PSMD6: variants seen among roughly 807,000 people sequenced by gnomAD.
The protein encoded by PSMD6 is proteasome 26S subunit, non-ATPase 6.
Under a neutral mutation model 44.9 loss-of-function variants are expected in PSMD6, and 7 were observed. That is an observed-to-expected ratio of 0.16 (90% CI 0.09 to 0.29). The LOEUF (loss-of-function observed/expected upper bound fraction) is 0.29. Ranked by LOEUF, PSMD6 falls within the 10% of genes least tolerant of loss-of-function variation. PSMD6 has a pLI of 1.00. For missense variants in PSMD6, 420 were observed against 482.6 expected (o/e 0.87, Z 1.21); for synonymous variants, 184 against 172.7 (o/e 1.07, Z -0.51).
intron 2 of PSMD6, chr3:64,019,889 C>G (rs568972806): frequency 6.5e-6 from 1 of 152,984 alleles, no homozygotes; most frequent in South Asian, 2.1e-4. Flanking sequence ...TGGAATGTTT[C>G]CTTTGCTTTG....
At chr3:64,018,434 CCTT>C (rs1333083351) in intron 5 of PSMD6, 162 bp downstream of exon 5, 7 of 550,712 alleles carry the variant, frequency 1.3e-5, no homozygotes, top group African/African-American at 7.7e-5. Flanking sequence ...ATCTGATGAC[CCTT>C]CTTCTAAACA....
chr3:64,012,677 TC>T (rs1431666972), intron 6 of PSMD6: 1 of 152,286 alleles, frequency 6.6e-6, no homozygotes. Context: ...CATTTTCTGT[TC>T]CTACAACATC....
intron 5 of PSMD6, chr3:64,017,257 C>T (rs191354666): frequency 2.0e-5 from 3 of 152,228 alleles, no homozygotes; most frequent in Non-Finnish European, 4.4e-5. Flanking sequence ...TATGAAAAAG[C>T]ACTGAATTGT....
Position 64,022,473 on chromosome 3 carries a change from C to T in PSMD6, c.196G>A (p.Asp66Asn). The T allele has an allele frequency of 6.2e-7, 1 of 1,614,152 alleles. No homozygotes were observed. Among genetic ancestry groups the T allele is most frequent in the Non-Finnish European group, 8.5e-7 (1 of 1,179,980 alleles). ...ALCKSLDWQI[D>N]VDLLNKMKKA... ...TTCATTTTATTGAGTAGGTCCACGT[C>T]TATCTGCCAGTCGAGGGATTTGCAC... Residue 66 changes from aspartate (D) to asparagine (N), a missense_variant, in exon 2 of 8, where the codon GAC becomes AAC. By Grantham distance (23) the Asp-to-Asn change is conservative (BLOSUM62 1). Around this residue, in one of 4 missense-constraint regions of PSMD6, gnomAD observed 136 missense variants for 124.2 expected, o/e 1.09. Transcript: ENST00000295901.
At chr3:64,023,764 A>G, upstream of PSMD6, 1 of 1,474,360 alleles carries the variant, frequency 6.8e-7, no homozygotes, top group South Asian at 1.2e-5. Context: ...AAATTTTTTG[A>G]AAACTGAAAA....
At chr3:64,014,922 C>G (rs2076019318) in intron 5 of PSMD6, 1 of 152,222 alleles carries the variant, frequency 6.6e-6, no homozygotes. Context: ...CAGTCAGACA[C>G]TGAGAGGTCT....
chr3:64,018,531 G>A (rs2076082811), intron 5 of PSMD6, 68 bp downstream of exon 5: 2 of 1,204,508 alleles, frequency 1.7e-6, no homozygotes, highest in African/African-American at 1.5e-5. Context: ...AATCGTCTTA[G>A]GTTATTTGCA....
chr3:64,011,613 A>AC (rs1375236436), intron 6 of PSMD6: 1 of 151,906 alleles, frequency 6.6e-6, no homozygotes, highest in Non-Finnish European at 1.5e-5. Context: ...CAGTGGTACA[A>AC]CCTTTGCCTC....
At chr3:64,019,669 G>A (rs2076099665) in intron 2 of PSMD6, 4 of 431,614 alleles carry the variant, frequency 9.3e-6, no homozygotes, top group South Asian at 6.6e-5. Flanking sequence ...AAATGCCCAA[G>A]CATATACTTA....
intron 2 of PSMD6, among the ~76,000 whole-genome samples, chr3:64,020,494 T>A (rs1037333490): frequency 6.6e-6 from 1 of 152,204 alleles, no homozygotes; most frequent in Non-Finnish European, 1.5e-5. Flanking sequence ...AAGTTTCTCA[T>A]TCATATGTAA....
At chr3:64,022,258 G>A (rs2076144369) in intron 2 of PSMD6, 60 bp downstream of exon 2, 3 of 1,555,206 alleles carry the variant, frequency 1.9e-6, no homozygotes, top group South Asian at 2.3e-5. Context: ...ACGATTACCT[G>A]GAATAGTCTC....
intron 5 of PSMD6, chr3:64,017,122 A>G (rs2076056459): frequency 6.6e-6 from 1 of 152,416 alleles, no homozygotes; most frequent in Non-Finnish European, 1.5e-5. Flanking sequence ...GACATAAAGT[A>G]GATCAGTGGT....
chr3:64,022,800 G>C (rs766195874), intron 1 of PSMD6: 80 of 1,536,072 alleles, frequency 5.2e-5, no homozygotes, highest in Non-Finnish European at 5.2e-5. Context: ...TGTTCCAAAA[G>C]TCTTCAAACA....
rs751878052 is a variant in PSMD6, at chr3:64,010,964, G to A, written c.996-9C>T. On this transcript the variant is annotated splice_polypyrimidine_tract_variant and intron_variant, in intron 6 of 7. Transcript: ENST00000295901. ...TAAACCTGGACAGTTCCCTAATTTA[G>A]AGACAAAAAATAACAGAATTAGCTT... The A allele has an allele frequency of 6.4e-7, 1 of 1,574,206 alleles. No individual in the cohort carries two copies. The highest frequency in any genetic ancestry group is 2.2e-5 in the East Asian group (1 of 44,618).
At position 64,010,870 on chromosome 3, in the gene PSMD6, G is replaced by GAGAGT. The variant is rs2106834008; in HGVS notation, c.1073+3_1073+7dup. ...AGGAATGCCCCTTATTCTGAGAAAT[G>GAGAGT]AGAGTACCTGTTGGTTTCTACTATT... On this transcript the variant is annotated splice_region_variant and intron_variant, in intron 7 of 7. Transcript: ENST00000295901. The GAGAGT allele has an allele frequency of 2.5e-6, 4 of 1,600,562 alleles. No homozygotes were observed. In the South Asian group the frequency reaches 3.3e-5, roughly 13 times the overall value.
chr3:64,020,100 C>T (rs942593367), intron 2 of PSMD6, among the ~76,000 whole-genome samples: 8 of 152,122 alleles, frequency 5.3e-5, no homozygotes, highest in East Asian at 1.9e-4. Context: ...GATAATTCTA[C>T]GTTTATTAGA....
At chr3:64,019,464 A>G in intron 2 of PSMD6, 23 bp from the exon 3 acceptor site, 1 of 1,597,680 alleles carries the variant, frequency 6.3e-7, no homozygotes, top group Non-Finnish European at 8.5e-7. Context: ...CCAAGGCAAT[A>G]GGTGAGAAAA....
chr3:64,013,455 C>T lies in PSMD6; in HGVS notation c.979G>A (p.Val327Met). Residue 327 changes from valine (V) to methionine (M), a missense_variant, in exon 6 of 8, where the codon GTG (valine) becomes ATG (methionine). By Grantham distance (21) the Val-to-Met change is conservative (BLOSUM62 1). This residue lies in a region of PSMD6 where 63 missense variants were observed against 112.1 expected (regional missense o/e 0.56). Transcript: ENST00000295901. ...CAAACTTACTGATCAATGAATTCCA[C>T]ACCAACACCAAACGCTTCTGCCATA... The part of the protein sequence containing the change: ...GYMAEAFGVG[V>M]EFIDQELSRF... 6.3e-7 allele frequency: 1 copy of T among 1,582,568 alleles called. No individual in the cohort carries two copies. Among genetic ancestry groups the T allele is most frequent in the Non-Finnish European group, 8.6e-7 (1 of 1,167,572 alleles).
In PSMD6 at chr3:64,022,714, G is replaced by C. The variant is rs1409952371; in HGVS notation, c.146-191C>G. The stretch of plus-strand genomic sequence containing the variant: ...ACGTATGCTGGTGGGAGGTTTGCGT[G>C]ACGGCCAATCCTGGCAATGCCAACC... On this transcript the variant is annotated intron_variant, in intron 1 of 7. Transcript: ENST00000295901. The C allele has an allele frequency of 4.6e-6, 7 of 1,536,776 alleles. No individual in the cohort carries two copies. In the East Asian group the frequency reaches 1.7e-4, roughly 38 times the overall value.
Sources: gnomAD v4.1 joint callset for allele counts (sites outside exome capture counted in the v4.1 genomes callset) on GRCh38, gnomAD v4.1.1 for gene constraint, gnomAD v4.1.1 regional missense constraint, MANE v1.5 for transcripts, NCBI Gene and HGNC (gene_info 2026-07-23, HGNC 2026-07-21) for gene names.